The following FGD6 variants were observed in gnomAD, a reference collection of about 807,000 sequenced individuals.
FGD6 encodes FYVE, RhoGEF and PH domain-containing protein 6.
In FGD6, 90 loss-of-function variants were observed where a neutral mutation model predicts 149.4. The observed-to-expected ratio is 0.60, with a 90% CI of 0.51 to 0.72. FGD6 has a LOEUF of 0.72. Ranked by LOEUF, FGD6 falls within the 30% of genes least tolerant of loss-of-function variation. The probability of loss-of-function intolerance (pLI) is 0.00; values close to 1 mark genes in which losing one functional copy is unlikely to be tolerated. For missense variants in FGD6, 1,437 were observed against 1,684.8 expected (o/e 0.85, Z 2.57); for synonymous variants, 527 against 584.0 (o/e 0.90, Z 1.41).
At chr12:95,132,117 C>T (rs7970810) in intron 8 of FGD6, among the ~76,000 whole-genome samples, 101,938 of 152,066 alleles carry the variant, frequency 0.67, 34,399 homozygotes, top group Middle Eastern at 0.71. Context: ...AAAATAACTC[C>T]AAGCTCACAT....
In FGD6 at chr12:95,141,459, T is replaced by A. The variant is rs191923296; in HGVS notation, c.2766A>T (p.Leu922=). The change falls in exon 6 of 21, where the codon CTA becomes CTT. Residue 922 remains leucine (L), a synonymous_variant. Coordinates refer to ENST00000343958, the MANE Select transcript of FGD6 (RefSeq NM_018351.4). ...VIEDRILNQI[L]YYLPQLYELN... is the part of the protein sequence containing the mutation. ...GCTCATACAGCTGAGGCAAGTAGTA[T>A]AGGATCTGATTTAGAATCCGGTCCT... The A allele has an allele frequency of 1.4e-4, 233 of 1,614,184 alleles. 2 individuals are homozygous for A. The East Asian group carries it at 5.0e-3, about 35-fold the overall frequency.
rs118120429 is a variant in FGD6, at chr12:95,092,902, C to T, written c.3601-57G>A. 314 of 1,543,120 alleles carry T rather than the reference C, an allele frequency of 2.0e-4. No homozygotes were observed. The East Asian group carries it at 3.0e-3, about 15-fold the overall frequency. On this transcript the variant is annotated intron_variant, in intron 15 of 20. Transcript: ENST00000343958. ...CATGCACACTGCCTGCCTTTTTATT[C>T]GGCAGTGGCATCTCACACTACCAAG... is the stretch of plus-strand genomic sequence containing the variant.
chr12:95,197,687 C>T (rs541620997), intron 2 of FGD6, among the ~76,000 whole-genome samples: 5 of 151,876 alleles, frequency 3.3e-5, no homozygotes, highest in Admixed American at 6.6e-5. Context: ...GTGCTTTAGA[C>T]GTCAGAATGT....
intron 17 of FGD6, 97 bp from the exon 18 acceptor site, chr12:95,089,793 G>A (rs1302786049): frequency 6.8e-7 from 1 of 1,473,390 alleles, no homozygotes; most frequent in Non-Finnish European, 9.2e-7. Flanking sequence ...AATATCCATG[G>A]AAGGACACTA....
chr12:95,211,035 T>A lies in FGD6; in HGVS notation c.249A>T (p.Lys83Asn), dbSNP rs759014926. The change falls in exon 2 of 21, where the codon AAA becomes AAT. Residue 83 changes from lysine to asparagine, a missense_variant. Coordinates refer to ENST00000343958, the MANE Select transcript of FGD6 (RefSeq NM_018351.4). ...TGTCAGTGCTTTCAGCTAATTCCTG[T>A]TTATGCCCTTCCAGGTTCAACATGA... The part of the protein sequence containing the change: ...RKIMLNLEGH[K>N]QELAESTDNF... 1 of 1,614,062 alleles carries A rather than the reference T, an allele frequency of 6.2e-7. No homozygotes were observed. Among genetic ancestry groups the A allele is most frequent in the Admixed American group, 1.7e-5 (1 of 59,998 alleles).
rs965089502 is a variant in FGD6 at position 95,100,861 on chromosome 12, G to A, written c.3497+4146C>T. 83 of 386,874 alleles carry A rather than the reference G, an allele frequency of 2.1e-4. No homozygotes were observed. In the Admixed American group the frequency reaches 2.5e-3, roughly 12 times the overall value. 24.0% of individuals were successfully genotyped at this position (386,874 alleles called of 1,614,324 possible). A position where few individuals can be genotyped will look rare whatever the true frequency, so the allele number is the denominator to read the frequency against. ...CTTGTTGGGCATGCTGGATCCTCCT[G>A]AGTTGGAAGAAAAGGGAATGGGTGT... On this transcript the variant is annotated intron_variant, in intron 14 of 20. Transcript: ENST00000343958.
chr12:95,189,126 T>C (rs1284775448), intron 2 of FGD6: 1 of 152,188 alleles, frequency 6.6e-6, no homozygotes, highest in East Asian at 1.9e-4. Context: ...TGGAAGCTTC[T>C]ATACACCCCC....
chr12:95,209,628 T>C lies in FGD6; in HGVS notation c.1656A>G (p.Ser552=). Residue 552 remains serine, a synonymous_variant, in exon 2 of 21, where the codon TCA becomes TCG. Transcript: ENST00000343958. ...CCCGTTTAGGCATATCAAAGGAGGA[T>C]GACACACCACGGTTTTGGGCACACA... is the stretch of plus-strand genomic sequence containing the variant. ...QHLCAQNRGV[S]SSFDMPKRAS... 1.2e-6 allele frequency: 2 copies of C among 1,613,754 alleles called. No homozygotes were observed. The highest frequency in any genetic ancestry group is 2.2e-5 in the East Asian group (1 of 44,886).
chr12:95,156,415 C>T (rs1880470637), intron 3 of FGD6, among the ~76,000 whole-genome samples: 2 of 152,134 alleles, frequency 1.3e-5, no homozygotes, highest in Admixed American at 1.3e-4. Context: ...CCCCAGTCTC[C>T]CATAGCGCTC....
intron 20 of FGD6, among the ~76,000 whole-genome samples, chr12:95,082,238 T>C (rs1450281985): frequency 1.3e-5 from 2 of 152,248 alleles, no homozygotes; most frequent in Non-Finnish European, 2.9e-5. Flanking sequence ...ACTAGTTCCC[T>C]GTCTCCTCCT....
At chr12:95,131,468 T>C (rs1879518136) in intron 8 of FGD6, among the ~76,000 whole-genome samples, 1 of 152,024 alleles carries the variant, frequency 6.6e-6, no homozygotes, top group Non-Finnish European at 1.5e-5. Context: ...CTTCAACATA[T>C]CCAAAACTGA....
chr12:95,107,137 G>A (rs1878655210), intron 12 of FGD6, 100 bp from the exon 13 acceptor site: 1 of 802,624 alleles, frequency 1.2e-6, no homozygotes, highest in Middle Eastern at 2.4e-4. Flanking sequence ...ATACCTCTTT[G>A]CTAATAGCTC....
chr12:95,125,842 T>C lies in FGD6; in HGVS notation c.3082+8897A>G, dbSNP rs930269546. ...CATGCTGGAAAATTCATTGTGATCA[T>C]AGATGTTATTGATCAGAACAGGGCT... On this transcript the variant is annotated intron_variant, in intron 8 of 20. Coordinates refer to ENST00000343958, the MANE Select transcript of FGD6 (RefSeq NM_018351.4). 5.9e-6 allele frequency: 6 copies of C among 1,024,598 alleles called. No homozygotes were observed. The African/African-American group carries it at 6.3e-5, about 11-fold the overall frequency. The allele number at this position is 1,024,598 out of a possible 1,614,324, so 63.5% of individuals were successfully genotyped here.
At chr12:95,100,399 A>G (rs980582079) in intron 14 of FGD6, 32 of 226,166 alleles carry the variant, frequency 1.4e-4, no homozygotes, top group African/African-American at 6.9e-4. Context: ...GATTGCTCTC[A>G]GTTATCACTG....
chr12:95,137,325 C>T (rs996478955), intron 7 of FGD6, among the ~76,000 whole-genome samples, 197 bp downstream of exon 7: 3 of 152,226 alleles, frequency 2.0e-5, no homozygotes, highest in Non-Finnish European at 4.4e-5. Flanking sequence ...TGTGCAATAA[C>T]AGATTTTCAA....
chr12:95,134,689 G>T, intron 8 of FGD6, 50 bp downstream of exon 8: 1 of 1,538,148 alleles, frequency 6.5e-7, no homozygotes, highest in Non-Finnish European at 9.0e-7. Flanking sequence ...AGAAGAGTTG[G>T]CTGATGGATA....
chr12:95,095,883 G>A (rs894363559), intron 14 of FGD6, among the ~76,000 whole-genome samples: 13 of 151,986 alleles, frequency 8.6e-5, no homozygotes, highest in African/African-American at 3.1e-4. Flanking sequence ...GTGTGGTGGT[G>A]CATGCCTGTA....
chr12:95,130,809 T>C (rs771711043), intron 8 of FGD6, among the ~76,000 whole-genome samples: 48 of 151,862 alleles, frequency 3.2e-4, no homozygotes, highest in Admixed American at 5.9e-4. Context: ...AATCAGAACA[T>C]CACAAAAATG....
intron 3 of FGD6, among the ~76,000 whole-genome samples, chr12:95,153,556 G>A (rs1880370306): frequency 6.6e-6 from 1 of 152,162 alleles, no homozygotes; most frequent in Non-Finnish European, 1.5e-5. Flanking sequence ...AGCTGCTCGG[G>A]AGTCTGAGGC....
Sources: allele counts gnomAD v4.1 joint callset (sites outside exome capture counted in the v4.1 genomes callset), GRCh38; gene constraint gnomAD v4.1.1; transcripts MANE v1.5; gene names NCBI Gene and HGNC (gene_info 2026-07-23, HGNC 2026-07-21).